SGCD: variants seen among roughly 807,000 people sequenced by gnomAD.
SGCD encodes delta-sarcoglycan.
A neutral mutation model predicts 36.6 loss-of-function variants in SGCD; 18 were observed. That is an observed-to-expected ratio of 0.49 (90% CI 0.34 to 0.73). SGCD has a LOEUF of 0.73. Ranked by LOEUF, SGCD falls within the 30% of genes least tolerant of loss-of-function variation. The pLI, the probability that SGCD is intolerant of heterozygous loss-of-function variation, is 0.01. For synonymous variants in SGCD, 133 were observed against 130.6 expected (o/e 1.02, Z -0.12); for missense variants, 387 against 346.7 (o/e 1.12, Z -0.92).
chr5:156,168,396 TAGAG>T (rs1278639024), intron 3 of SGCD, among the ~76,000 whole-genome samples: 2 of 150,914 alleles, frequency 1.3e-5, no homozygotes, highest in Non-Finnish European at 2.9e-5. Flanking sequence ...ATGGGCAACA[TAGAG>T]AGACCCAGTT....
chr5:156,340,835 T>TA (rs1478282777), intron 2 of SGCD, among the ~76,000 whole-genome samples: 3 of 152,234 alleles, frequency 2.0e-5, no homozygotes, highest in Non-Finnish European at 4.4e-5. Context: ...TCTTTGTTTT[T>TA]ATCTTTCAAC....
chr5:156,712,061 C>T (rs1181655633), intron 7 of SGCD, among the ~76,000 whole-genome samples: 1 of 152,172 alleles, frequency 6.6e-6, no homozygotes, highest in Non-Finnish European at 1.5e-5. Flanking sequence ...AGGTCACTTT[C>T]CTTGCCATCT....
chr5:156,514,365 A>T (rs1757069092), intron 4 of SGCD, among the ~76,000 whole-genome samples: 1 of 152,250 alleles, frequency 6.6e-6, no homozygotes, highest in African/African-American at 2.4e-5. Context: ...GGAAAGCCGT[A>T]TCATGAATTT....
intron 3 of SGCD, among the ~76,000 whole-genome samples, chr5:156,439,556 CATGGTGAAATGTT>C (rs1293784057): frequency 6.6e-6 from 1 of 151,956 alleles, no homozygotes; most frequent in African/African-American, 2.4e-5. Context: ...GTTAACATTC[CATGGTGAAATGTT>C]AATACCATGA....
the SGCD span, among the ~76,000 whole-genome samples, chr5:155,849,843 G>C: frequency 6.6e-6 from 1 of 152,182 alleles, no homozygotes; most frequent in Non-Finnish European, 1.5e-5. Context: ...ACAAATGTTA[G>C]TGAAGGTACA....
intron 7 of SGCD, among the ~76,000 whole-genome samples, chr5:156,651,649 G>C (rs1763466544): frequency 6.6e-6 from 1 of 152,094 alleles, no homozygotes; most frequent in African/African-American, 2.4e-5. Context: ...CTGTTCCATT[G>C]GTCTACATGT....
intron 3 of SGCD, among the ~76,000 whole-genome samples, chr5:156,419,140 C>G (rs1773184597): frequency 6.6e-6 from 1 of 152,100 alleles, no homozygotes. Flanking sequence ...GATAATTTGG[C>G]TATGAAGAAA....
intron 7 of SGCD, among the ~76,000 whole-genome samples, chr5:156,677,558 G>C (rs377573049): frequency 1.3e-5 from 2 of 152,092 alleles, no homozygotes; most frequent in African/African-American, 4.8e-5. Context: ...GGGAGGGGGA[G>C]GGATAGCATT....
the SGCD span, among the ~76,000 whole-genome samples, chr5:155,755,011 C>T: frequency 6.6e-6 from 1 of 152,178 alleles, no homozygotes; most frequent in African/African-American, 2.4e-5. Flanking sequence ...CTGCCCTCCC[C>T]AGGCTGCCAC....
chr5:156,375,378 A>G (rs1770603343), intron 3 of SGCD, among the ~76,000 whole-genome samples: 1 of 148,074 alleles, frequency 6.8e-6, no homozygotes, highest in Non-Finnish European at 1.5e-5. Flanking sequence ...CAGTTGCCCC[A>G]GTAATATCCT....
intron 4 of SGCD, among the ~76,000 whole-genome samples, chr5:156,528,636 G>A (rs781174402): frequency 1.3e-5 from 2 of 152,170 alleles, no homozygotes; most frequent in Non-Finnish European, 2.9e-5. Flanking sequence ...GCTATGTGGT[G>A]TGAGGCCATG....
chr5:156,192,491 G>A (rs759336473), intron 3 of SGCD, among the ~76,000 whole-genome samples: 1 of 151,970 alleles, frequency 6.6e-6, no homozygotes, highest in Non-Finnish European at 1.5e-5. Flanking sequence ...GTACAGGAGG[G>A]GAATGAAGAG....
At chr5:156,208,253 G>A (rs1409455362) in intron 3 of SGCD, among the ~76,000 whole-genome samples, 1 of 152,186 alleles carries the variant, frequency 6.6e-6, no homozygotes, top group Non-Finnish European at 1.5e-5. Flanking sequence ...GTCTTCAAGA[G>A]CTTGACTGTT....
chr5:156,754,496 G>T (rs1374447324), intron 7 of SGCD, among the ~76,000 whole-genome samples: 1 of 152,102 alleles, frequency 6.6e-6, no homozygotes, highest in Non-Finnish European at 1.5e-5. Flanking sequence ...TACATAGATT[G>T]GTTTTAGAAA....
intron 3 of SGCD, among the ~76,000 whole-genome samples, chr5:156,303,554 T>C (rs1366670964): frequency 1.3e-5 from 2 of 151,268 alleles, no homozygotes; most frequent in African/African-American, 4.9e-5. Context: ...TCTGTCCTCA[T>C]GGTCACCATA....
intron 3 of SGCD, among the ~76,000 whole-genome samples, chr5:156,124,859 A>T (rs1366274722): frequency 6.6e-6 from 1 of 152,102 alleles, no homozygotes; most frequent in Non-Finnish European, 1.5e-5. Flanking sequence ...TGAAAAAAAT[A>T]CTATAAGCAC....
chr5:156,423,362 T>TA (rs1773492650), intron 3 of SGCD, among the ~76,000 whole-genome samples: 2 of 103,278 alleles, frequency 1.9e-5, no homozygotes, highest in Admixed American at 1.2e-4. Context: ...TTTATTATAA[T>TA]ATATTATATT....
At chr5:156,099,722 T>TC (rs1761474315) in intron 1 of SGCD, among the ~76,000 whole-genome samples, 1 of 152,128 alleles carries the variant, frequency 6.6e-6, no homozygotes, top group African/African-American at 2.4e-5. Context: ...GCCTATTTAA[T>TC]CCTTTACTAG....
At chr5:155,734,955 G>C in the SGCD span, among the ~76,000 whole-genome samples, 1 of 152,180 alleles carries the variant, frequency 6.6e-6, no homozygotes. Flanking sequence ...TTACTTCTCT[G>C]TATCTGCCAT....
Sources: allele counts gnomAD v4.1 joint callset (sites outside exome capture counted in the v4.1 genomes callset), GRCh38; gene constraint gnomAD v4.1.1; transcripts MANE v1.5; gene names NCBI Gene and HGNC (gene_info 2026-07-23, HGNC 2026-07-21).